Variants in GBP6 observed in about 807,000 individuals in gnomAD.
GBP6 encodes guanylate binding protein family member 6.
In GBP6, 54 loss-of-function variants were observed where a neutral mutation model predicts 61.5. The ratio of observed to expected loss-of-function variants is 0.88; its 90% CI spans 0.71 to 1.10. The LOEUF is 1.10. Among genes scored for constraint, GBP6 ranks in the 50% least tolerant of loss-of-function variants. GBP6 has a pLI of 0.00. For missense variants in GBP6, 748 were observed against 752.8 expected, an observed-to-expected ratio of 0.99 and a Z score of 0.07; for synonymous variants, 255 against 273.7, an observed-to-expected ratio of 0.93 and a Z score of 0.67.
At chr1:89,371,151 A>G (rs929274375) in intron 3 of GBP6, among the ~76,000 whole-genome samples, 4 of 152,172 alleles carry the variant, frequency 2.6e-5, no homozygotes, top group African/African-American at 7.2e-5. Context: ...GTGTTCATCT[A>G]TGTTGTTGCA....
intron 3 of GBP6, among the ~76,000 whole-genome samples, chr1:89,374,616 A>C (rs184974534): frequency 3.7e-4 from 57 of 152,282 alleles, no homozygotes; most frequent in Middle Eastern, 6.8e-3. Context: ...GGTAATAGCC[A>C]TCTTAAATGT....
At chr1:89,381,334 T>G (rs1652971709) in intron 6 of GBP6, among the ~76,000 whole-genome samples, 1 of 150,566 alleles carries the variant, frequency 6.6e-6, no homozygotes. Context: ...TGAAAATACA[T>G]TGGTAGCTTC....
In GBP6 at chr1:89,388,042, T is replaced by C. The variant is rs1055513425; in HGVS notation, c.*2573T>C. Among the ~76,000 whole-genome samples, 4 of 152,198 alleles carry C rather than the reference T, an allele frequency of 2.6e-5. No individual in the cohort carries two copies. The highest frequency in any genetic ancestry group is 9.7e-5 in the African/African-American group (4 of 41,450). ...TCATGTCCTACAGTCTCTGTGAAAC[T>C]GGGCCAAAGATAGAATTTTTTTTTC... On this transcript the variant is annotated 3_prime_UTR_variant, in exon 11 of 11. Coordinates refer to ENST00000370456, the MANE Select transcript of GBP6 (RefSeq NM_198460.3).
chr1:89,378,917 C>T (rs1015632272), intron 5 of GBP6, among the ~76,000 whole-genome samples: 4 of 152,128 alleles, frequency 2.6e-5, no homozygotes, highest in Non-Finnish European at 5.9e-5. Flanking sequence ...GTGTTTTGCC[C>T]TCTGCTTTTC....
intron 10 of GBP6, 65 bp from the exon 11 acceptor site, chr1:89,385,165 A>G (rs1041583867): frequency 5.6e-6 from 8 of 1,430,414 alleles, no homozygotes; most frequent in Non-Finnish European, 7.6e-6. Flanking sequence ...TTTTAAATAC[A>G]AAATGTAAGT....
chr1:89,378,266 T>C (rs1652862577), intron 4 of GBP6, 54 bp downstream of exon 4: 2 of 1,568,082 alleles, frequency 1.3e-6, no homozygotes, highest in African/African-American at 2.8e-5. Flanking sequence ...TTTATAGGAA[T>C]GGAGATCAAG....
chr1:89,364,887 C>T (rs978233760), intron 1 of GBP6, among the ~76,000 whole-genome samples: 6 of 151,182 alleles, frequency 4.0e-5, no homozygotes, highest in African/African-American at 9.7e-5. Flanking sequence ...CCTATCAATC[C>T]GTCATCTAGG....
chr1:89,383,432 A>G (rs1321217801), intron 8 of GBP6, among the ~76,000 whole-genome samples: 1 of 152,190 alleles, frequency 6.6e-6, no homozygotes, highest in Non-Finnish European at 1.5e-5. Context: ...AAACGGGTAC[A>G]GGGAGATATT....
chr1:89,371,880 G>A (rs182573082), intron 3 of GBP6, among the ~76,000 whole-genome samples: 264 of 152,298 alleles, frequency 1.7e-3, no homozygotes, highest in African/African-American at 6.0e-3. Context: ...AATTGTCCCT[G>A]TTTGCAGATG....
At position 89,385,271 on chromosome 1, in the gene GBP6, T is replaced by C. The variant is rs1431255262; in HGVS notation, c.1704T>C (p.Tyr568=). Residue 568 remains tyrosine (Y), a synonymous_variant, in exon 11 of 11, where the codon TAT becomes TAC. Coordinates refer to ENST00000370456, the MANE Select transcript of GBP6 (RefSeq NM_198460.3). ...TTCATGAAGGATTTAAGAAGAAGTA[T>C]GAGGAGATGAATGCAGAGATAAGTC... ...DWLHEGFKKK[Y]EEMNAEISQF... The C allele has an allele frequency of 6.2e-7, 1 of 1,613,782 alleles. No individual in the cohort carries two copies. The highest frequency in any genetic ancestry group is 1.1e-5 in the South Asian group (1 of 91,082).
intron 5 of GBP6, among the ~76,000 whole-genome samples, chr1:89,379,567 A>G (rs4658353): frequency 0.32 from 49,412 of 152,082 alleles, 8,453 homozygotes; most frequent in Admixed American, 0.39. Context: ...TTGTCGGAAT[A>G]TTCATTTTAC....
At chr1:89,379,520 G>A (rs115200802) in intron 5 of GBP6, among the ~76,000 whole-genome samples, 1,656 of 152,272 alleles carry the variant, frequency 0.011, 35 homozygotes, top group African/African-American at 0.038. Flanking sequence ...GAAGAAGCAC[G>A]TCTTTACAAT....
chr1:89,378,739 G>C, intron 5 of GBP6, 126 bp downstream of exon 5: 2 of 704,900 alleles, frequency 2.8e-6, no homozygotes, highest in Non-Finnish European at 4.7e-6. Context: ...CGGGGACTGA[G>C]GGGTATGTTG....
intron 1 of GBP6, among the ~76,000 whole-genome samples, chr1:89,365,286 T>C (rs1652440407): frequency 6.6e-6 from 1 of 152,220 alleles, no homozygotes; most frequent in African/African-American, 2.4e-5. Flanking sequence ...ACCAGAGACC[T>C]GGTTTATATA....
At position 89,368,557 on chromosome 1, in the gene GBP6, A is replaced by G. The variant is rs775309772; in HGVS notation, c.6A>G (p.Glu2=). 5.6e-6 allele frequency: 9 copies of G among 1,613,584 alleles called. No homozygotes were observed. In the East Asian group the frequency reaches 8.9e-5, roughly 16 times the overall value. The change falls in exon 2 of 11, where the codon GAA becomes GAG. Residue 2 remains glutamate, a synonymous_variant. Coordinates refer to ENST00000370456, the MANE Select transcript of GBP6 (RefSeq NM_198460.3). The stretch of plus-strand genomic sequence containing the variant: ...CTTCTAGGTTGGCAGTTGCCATGGA[A>G]TCTGGACCCAAAATGTTGGCCCCCG... M[E]SGPKMLAPVC...
chr1:89,386,236 G>C lies in GBP6; in HGVS notation c.*767G>C, dbSNP rs905969165. On this transcript the variant is annotated 3_prime_UTR_variant, in exon 11 of 11. Transcript: ENST00000370456. ...CATGGAAAAAATGCAATTATTATAT[G>C]GAAGCATGCAAATATATCTCTGGAA... 6.6e-6 allele frequency: 1 copy of C among 151,568 alleles called. No individual in the cohort carries two copies. The highest frequency in any genetic ancestry group is 2.4e-5 in the African/African-American group (1 of 41,288). 9.4% of individuals were successfully genotyped at this position (151,568 alleles called of 1,614,324 possible).
In GBP6 at chr1:89,368,837, A is replaced by G. The variant is rs1044310707; in HGVS notation, c.190+96A>G. 6.4e-6 allele frequency: 7 copies of G among 1,086,358 alleles called. No homozygotes were observed. The African/African-American group carries it at 1.1e-4, about 17-fold the overall frequency. The allele number at this position is 1,086,358 out of a possible 1,614,324, so 67.3% of individuals were successfully genotyped here. A position where few individuals can be genotyped will look rare whatever the true frequency, so the allele number is the denominator to read the frequency against. On this transcript the variant is annotated intron_variant, in intron 2 of 10. Coordinates refer to ENST00000370456, the MANE Select transcript of GBP6 (RefSeq NM_198460.3). ...CCAGAGCACATGAAGGTAGACTCCA[A>G]TTCCTTTCAATAAACCAACCTTCTC...
chr1:89,384,519 A>G (rs1431989608), intron 10 of GBP6, among the ~76,000 whole-genome samples: 2 of 152,314 alleles, frequency 1.3e-5, no homozygotes, highest in East Asian at 3.9e-4. Flanking sequence ...TGATCCCTAC[A>G]AGTCCTTGGG....
In GBP6 at chr1:89,384,043, T is replaced by G. The variant is rs74805231; in HGVS notation, c.1469-50T>G. The G allele has an allele frequency of 0.011, 16,745 of 1,501,318 alleles. 630 individuals carry two copies. The East Asian group carries it at 0.12, about 11-fold the overall frequency. 93.0% of individuals were successfully genotyped at this position (1,501,318 alleles called of 1,614,324 possible). ...TAGTCTCAGCTCAGAAAAGTGGAGA[T>G]GAATCTTCACCTATTATTTTCTTCT... On this transcript the variant is annotated intron_variant, in intron 9 of 10. Transcript: ENST00000370456.
Sources: allele counts gnomAD v4.1 joint callset (sites outside exome capture counted in the v4.1 genomes callset), GRCh38; gene constraint gnomAD v4.1.1; transcripts MANE v1.5; gene names NCBI Gene and HGNC (gene_info 2026-07-23, HGNC 2026-07-21).